The following CLSTN1 variants were observed in gnomAD, a reference collection of about 807,000 sequenced individuals.
CLSTN1 encodes calsyntenin 1, also known as calsyntenin-1.
Under a neutral mutation model 108.3 loss-of-function variants are expected in CLSTN1, and 28 were observed. The observed-to-expected ratio is 0.26, with a 90% confidence interval of 0.19 to 0.35. CLSTN1 has a LOEUF of 0.35. Among genes scored for constraint, CLSTN1 ranks in the 10% least tolerant of loss-of-function variants. The probability of loss-of-function intolerance (pLI) is 1.00; values close to 1 mark genes in which losing one functional copy is unlikely to be tolerated. For missense variants in CLSTN1, 1,157 were observed against 1,302.6 expected (o/e 0.89, Z 1.72); for synonymous variants, 524 against 534.9 (o/e 0.98, Z 0.28).
intron 1 of CLSTN1, among the ~76,000 whole-genome samples, chr1:9,801,187 G>A (rs1450772095): frequency 6.6e-6 from 1 of 152,172 alleles, no homozygotes; most frequent in African/African-American, 2.4e-5. Context: ...GGAGGTTGCA[G>A]TAAGCTGAGA....
chr1:9,734,068 G>C lies in CLSTN1; in HGVS notation c.2185C>G (p.Leu729Val). 6.2e-7 allele frequency: 1 copy of C among 1,614,150 alleles called. No homozygotes were observed. The stretch of plus-strand genomic sequence containing the variant: ...TCCAGGCTCTCCTGCTCGTGGTTCA[G>C]CTCCTCTCCCTCCACCGTGACCTCA... ...TCEVTVEGEE[L>V]NHEQESLEVD... Residue 729 changes from leucine to valine, a missense_variant, in exon 15 of 19, where the codon CTG (leucine) becomes GTG (valine). Physicochemically the swap from Leu to Val is conservative, Grantham distance 32 (BLOSUM62 1). Coordinates refer to ENST00000377298, the MANE Select transcript of CLSTN1 (RefSeq NM_001009566.3). This position sits in a 1 kb window ranked among gnomAD's most constrained non-coding sequence, Gnocchi z 4.8.
chr1:9,795,173 T>C (rs1235445501), intron 1 of CLSTN1, among the ~76,000 whole-genome samples: 2 of 151,076 alleles, frequency 1.3e-5, no homozygotes, highest in Non-Finnish European at 2.9e-5. Flanking sequence ...TTAACTTTTT[T>C]TTTTTTTTTG....
chr1:9,794,018 C>G (rs1653881790), intron 1 of CLSTN1, among the ~76,000 whole-genome samples: 1 of 151,366 alleles, frequency 6.6e-6, no homozygotes. Flanking sequence ...TTCACAGCCC[C>G]ACTAACACTG....
intron 1 of CLSTN1, among the ~76,000 whole-genome samples, chr1:9,784,187 A>T (rs1467620029): frequency 6.6e-6 from 1 of 151,140 alleles, no homozygotes; most frequent in African/African-American, 2.4e-5. Flanking sequence ...AAAAAAAAAA[A>T]AAAAAATTAA....
intron 2 of CLSTN1, among the ~76,000 whole-genome samples, chr1:9,756,867 G>A (rs1316626236): frequency 1.3e-5 from 2 of 152,004 alleles, no homozygotes; most frequent in African/African-American, 4.8e-5. Flanking sequence ...TGCAAGCTCC[G>A]CCTCCTGGGT....
chr1:9,809,711 G>A (rs1654648011), intron 1 of CLSTN1, among the ~76,000 whole-genome samples: 1 of 151,844 alleles, frequency 6.6e-6, no homozygotes. Flanking sequence ...GACCAACCTG[G>A]CCAACATGGT....
chr1:9,767,844 GTTAAGTGAAAAAATAT>G (rs1652424516), intron 2 of CLSTN1, among the ~76,000 whole-genome samples: 1 of 152,158 alleles, frequency 6.6e-6, no homozygotes, highest in South Asian at 2.1e-4. Context: ...CTCACAAAAT[GTTAAGTGAAAAAATAT>G]TTTTAAAAGA....
Position 9,773,387 on chromosome 1 carries a change from C to T in CLSTN1, c.99G>A (p.Lys33=), listed in dbSNP as rs1343686082. The part of the protein sequence containing the change: ...GGGVWAARVN[K]HKPWLEPTYH... ...AGGTGGGCTCCAGCCAGGGCTTGTG[C>T]TTGTTAACTGTGTTTAAAACAAGAG... The change falls in exon 2 of 19, where the codon AAG becomes AAA. Residue 33 remains lysine (K), a synonymous_variant. Transcript: ENST00000377298. 6.2e-7 allele frequency: 1 copy of T among 1,609,588 alleles called. No individual in the cohort carries two copies. Among genetic ancestry groups the T allele is most frequent in the African/African-American group, 1.3e-5 (1 of 74,666 alleles).
intron 4 of CLSTN1, 47 bp from the exon 5 acceptor site, chr1:9,751,728 TGAGA>T (rs748426168): frequency 1.3e-5 from 20 of 1,550,630 alleles, no homozygotes; most frequent in African/African-American, 2.7e-5. Context: ...GTTTTCAGTG[TGAGA>T]GAGAGACAGA....
Position 9,743,957 on chromosome 1 carries a change from A to G in CLSTN1, c.1283T>C (p.Ile428Thr). ...AGAAGGATCCTGACGGAAGAGGAAGATCAGCCGGCACCCGTGGACATAGAG... is the reference window on the plus strand; with the variant it reads ...AGAAGGATCCTGACGGAAGAGGAAGGTCAGCCGGCACCCGTGGACATAGAG... ...YSLYVHGCRLIFLFRQDPSEE... is the reference protein window; with the variant it reads ...YSLYVHGCRLTFLFRQDPSEE... The change falls in exon 9 of 19, where the codon ATC (isoleucine) becomes ACC (threonine). Residue 428 changes from isoleucine (I) to threonine (T), a missense_variant. By Grantham distance (89) the Ile-to-Thr change is moderately conservative (BLOSUM62 -1). Coordinates refer to ENST00000377298, the MANE Select transcript of CLSTN1 (RefSeq NM_001009566.3). 6.2e-7 allele frequency: 1 copy of G among 1,614,168 alleles called. No individual in the cohort carries two copies.
chr1:9,801,936 C>G (rs950213522), intron 1 of CLSTN1, among the ~76,000 whole-genome samples: 10 of 152,086 alleles, frequency 6.6e-5, no homozygotes, highest in Non-Finnish European at 1.3e-4. Context: ...AACACAGATG[C>G]AAAAACCCTC....
At chr1:9,810,283 C>A (rs895598222) in intron 1 of CLSTN1, among the ~76,000 whole-genome samples, 10 of 151,676 alleles carry the variant, frequency 6.6e-5, no homozygotes, top group African/African-American at 2.2e-4. Flanking sequence ...CGAGACCAGG[C>A]TGGCCAACAT....
intron 1 of CLSTN1, among the ~76,000 whole-genome samples, chr1:9,805,623 T>C (rs1400187169): frequency 1.3e-5 from 2 of 152,162 alleles, no homozygotes; most frequent in African/African-American, 4.8e-5. Flanking sequence ...TCCCAGCACT[T>C]TGGGAGGCCG....
intron 15 of CLSTN1, 91 bp downstream of exon 15, chr1:9,733,881 A>ATGTT: frequency 7.4e-7 from 1 of 1,347,690 alleles, no homozygotes. Context: ...ATAACTCAAC[A>ATGTT]TTCTCAGATG....
chr1:9,808,094 A>G (rs1654582177), intron 1 of CLSTN1, among the ~76,000 whole-genome samples: 1 of 152,154 alleles, frequency 6.6e-6, no homozygotes, highest in Non-Finnish European at 1.5e-5. Context: ...TGTATCCACC[A>G]GGGTAGTGGT....
intron 16 of CLSTN1, among the ~76,000 whole-genome samples, chr1:9,732,097 AAC>A (rs1419782675): frequency 6.6e-6 from 1 of 152,210 alleles, no homozygotes; most frequent in East Asian, 1.9e-4. Context: ...AAGAAAAAGA[AAC>A]AAAAACCAAA....
chr1:9,774,811 C>G lies in CLSTN1; in HGVS notation c.92-1417G>C, dbSNP rs150729937. ...AAGAATGGCTACTCCACAGGCAGAG[C>G]AGCCCTGAGGGCTGCTGGTCGGCTA... On this transcript the variant is annotated intron_variant, in intron 1 of 18. Coordinates refer to ENST00000377298, the MANE Select transcript of CLSTN1 (RefSeq NM_001009566.3). Among the ~76,000 whole-genome samples, 1,079 of 152,208 alleles carry G rather than the reference C, an allele frequency of 7.1e-3. 13 individuals carry two copies. The highest frequency in any genetic ancestry group is 0.025 in the African/African-American group (1,020 of 41,536).
intron 2 of CLSTN1, among the ~76,000 whole-genome samples, chr1:9,757,244 G>GTTTT (rs774259645): frequency 7.1e-6 from 1 of 140,462 alleles, no homozygotes; most frequent in African/African-American, 2.6e-5. Context: ...GGAGCAAAAG[G>GTTTT]TTTTTTTTTT....
At chr1:9,782,976 C>A (rs1477829892) in intron 1 of CLSTN1, among the ~76,000 whole-genome samples, 3 of 152,222 alleles carry the variant, frequency 2.0e-5, no homozygotes, top group Non-Finnish European at 4.4e-5. Flanking sequence ...CATCGCACTC[C>A]AGCCTGGGTG....
Sources: gnomAD v4.1 joint callset for allele counts (sites outside exome capture counted in the v4.1 genomes callset) on GRCh38, gnomAD v4.1.1 for gene constraint, Gnocchi (gnomAD v3.1) non-coding constraint, MANE v1.5 for transcripts, NCBI Gene and HGNC (gene_info 2026-07-23, HGNC 2026-07-21) for gene names.